The following ZC4H2 variants were observed in gnomAD, a reference collection of about 807,000 sequenced individuals.
ZC4H2 encodes zinc finger C4H2-type containing.
For missense variants in ZC4H2, 137 were observed against 173.9 expected (o/e 0.79, Z 1.19); for synonymous variants, 84 against 66.3 (o/e 1.27, Z -1.30).
At chrX:65,025,413 A>G (rs754306255) in intron 1 of ZC4H2, among the ~76,000 whole-genome samples, 3 of 110,648 alleles carry the variant, frequency 2.7e-5, no homozygotes, top group Non-Finnish European at 5.7e-5. Flanking sequence ...TCAAACATCC[A>G]TAATCGTATT....
chrX:64,922,579 C>A (rs1460549605), intron 1 of ZC4H2, among the ~76,000 whole-genome samples: 1 of 112,323 alleles, frequency 8.9e-6, no homozygotes, highest in Non-Finnish European at 1.9e-5. Context: ...GTGTTACTGG[C>A]ATTTAGTGGA....
At position 64,935,129 on chromosome X, in the gene ZC4H2, C is replaced by T. The variant is rs909860228; in HGVS notation, c.54-13141G>A. Among the ~76,000 whole-genome samples the T allele has an allele frequency of 1.1e-4, 12 of 111,288 alleles. No homozygotes were observed. The Admixed American group carries it at 1.1e-3, about 11-fold the overall frequency. ...GCAGTCTGATACCGACTGGGACACTCGAGTTTGGTGGGAGGAGGGGCGTCC... is the reference window on the plus strand; with the variant it reads ...GCAGTCTGATACCGACTGGGACACTTGAGTTTGGTGGGAGGAGGGGCGTCC... On this transcript the variant is annotated intron_variant, in intron 1 of 4. Transcript: ENST00000374839.
At chrX:64,954,822 A>T (rs185875836) in intron 1 of ZC4H2, among the ~76,000 whole-genome samples, 5 of 111,521 alleles carry the variant, frequency 4.5e-5, no homozygotes, top group Middle Eastern at 4.7e-3. Flanking sequence ...GCCAGATTTG[A>T]ATGCTGAATC....
intron 1 of ZC4H2, among the ~76,000 whole-genome samples, chrX:65,018,550 C>T (rs779044505): frequency 5.8e-4 from 65 of 112,288 alleles, no homozygotes; most frequent in Non-Finnish European, 1.0e-3. Context: ...CCAAGAGATT[C>T]CCTCCGGTGC....
intron 1 of ZC4H2, among the ~76,000 whole-genome samples, chrX:64,936,682 A>G (rs1435156497): frequency 9.0e-6 from 1 of 111,540 alleles, no homozygotes; most frequent in Non-Finnish European, 1.9e-5. Flanking sequence ...TAAGCTTCAT[A>G]AGTGAAGGAG....
chrX:64,965,501 G>A (rs1190680189), intron 1 of ZC4H2: 2 of 308,587 alleles, frequency 6.5e-6, no homozygotes, highest in African/African-American at 2.7e-5. Context: ...AGACCTAAAC[G>A]TGAAACCTAA....
chrX:64,994,024 G>T (rs768698293), intron 1 of ZC4H2, among the ~76,000 whole-genome samples: 1 of 111,780 alleles, frequency 8.9e-6, no homozygotes, highest in Non-Finnish European at 1.9e-5. Flanking sequence ...CATGAAAAAG[G>T]TCTATATCAG....
intron 1 of ZC4H2, among the ~76,000 whole-genome samples, chrX:64,946,844 A>G (rs1264557973): frequency 1.8e-5 from 2 of 110,984 alleles, no homozygotes; most frequent in Non-Finnish European, 3.8e-5. Context: ...AATTTCATTG[A>G]TTTCTGTTCT....
intron 1 of ZC4H2, among the ~76,000 whole-genome samples, chrX:64,998,315 A>T (rs184264799): frequency 8.9e-6 from 1 of 112,351 alleles, no homozygotes; most frequent in African/African-American, 3.2e-5. Context: ...AAATGAAAAG[A>T]TGGAAAATAT....
At chrX:65,003,000 T>A (rs1233360497) in intron 1 of ZC4H2, among the ~76,000 whole-genome samples, 4 of 108,999 alleles carry the variant, frequency 3.7e-5, no homozygotes, top group Admixed American at 3.0e-4. Flanking sequence ...CCTCCACTAT[T>A]GTCCTATGAC....
chrX:64,940,371 T>C (rs933814717), intron 1 of ZC4H2, among the ~76,000 whole-genome samples: 1 of 111,669 alleles, frequency 9.0e-6, no homozygotes, highest in African/African-American at 3.3e-5. Context: ...TTCACTCTGA[T>C]GATAGTTTCT....
chrX:64,952,204 C>G (rs1930880175), intron 1 of ZC4H2, among the ~76,000 whole-genome samples: 1 of 110,374 alleles, frequency 9.1e-6, no homozygotes, highest in African/African-American at 3.3e-5. Context: ...GTTACTGTAG[C>G]CTTGAAGTAT....
At chrX:65,028,212 A>C (rs376239959) in intron 1 of ZC4H2, among the ~76,000 whole-genome samples, 8 of 111,204 alleles carry the variant, frequency 7.2e-5, no homozygotes, top group East Asian at 5.7e-4. Flanking sequence ...TAGAATTCCC[A>C]GAGGGCTTTT....
At chrX:64,949,491 G>A (rs1930688803) in intron 1 of ZC4H2, among the ~76,000 whole-genome samples, 1 of 111,325 alleles carries the variant, frequency 9.0e-6, no homozygotes, top group Non-Finnish European at 1.9e-5. Context: ...ATTATATTAT[G>A]CGACCTCTAA....
chrX:64,933,236 A>G (rs775384660), intron 1 of ZC4H2, among the ~76,000 whole-genome samples: 7 of 111,110 alleles, frequency 6.3e-5, no homozygotes, highest in Admixed American at 9.6e-5. Flanking sequence ...TATGATATCT[A>G]TTCCTCTGAA....
At chrX:64,931,868 G>A (rs1929766711) in intron 1 of ZC4H2, among the ~76,000 whole-genome samples, 1 of 111,617 alleles carries the variant, frequency 9.0e-6, no homozygotes, top group Non-Finnish European at 1.9e-5. Context: ...TGTTAATTCT[G>A]TTTGTTCTAG....
At chrX:65,007,602 A>G (rs1212762115) in intron 1 of ZC4H2, among the ~76,000 whole-genome samples, 1 of 111,930 alleles carries the variant, frequency 8.9e-6, no homozygotes, top group Non-Finnish European at 1.9e-5. Flanking sequence ...CAGCCCTTCA[A>G]ACTTCTTGGA....
intron 1 of ZC4H2, among the ~76,000 whole-genome samples, chrX:64,941,535 T>C (rs1418763114): frequency 1.8e-5 from 2 of 112,166 alleles, no homozygotes; most frequent in Non-Finnish European, 3.8e-5. Context: ...GGGTTTGTCA[T>C]AAATAGCTCT....
rs774039352 is a variant in ZC4H2, at chrX:64,917,738, G to T, written c.*45C>A. On this transcript the variant is annotated 3_prime_UTR_variant, in exon 5 of 5. Coordinates refer to ENST00000374839, the MANE Select transcript of ZC4H2 (RefSeq NM_018684.4). ...TCAGGACATCAATGACTCTGGTCAA[G>T]GTGAGGGGTTATAATTAGCAAAGCT... The T allele has an allele frequency of 1.7e-6, 2 of 1,190,101 alleles. No individual in the cohort carries two copies. The highest frequency in any genetic ancestry group is 2.3e-6 in the Non-Finnish European group (2 of 884,339).
Sources: allele counts gnomAD v4.1 joint callset (sites outside exome capture counted in the v4.1 genomes callset), GRCh38; gene constraint gnomAD v4.1.1; transcripts MANE v1.5; gene names NCBI Gene and HGNC (gene_info 2026-07-23, HGNC 2026-07-21).